Variants in CMSS1 observed in about 807,000 individuals in gnomAD.
The protein encoded by CMSS1 is protein CMSS1.
In CMSS1, 33 loss-of-function variants were observed where a neutral mutation model predicts 43.5. The observed-to-expected ratio is 0.76, with a 90% CI of 0.57 to 1.01. The LOEUF is 1.01. Among genes scored for constraint, CMSS1 ranks in the 50% least tolerant of loss-of-function variants. The pLI is 0.00. For synonymous variants in CMSS1, 115 were observed against 117.2 expected, an observed-to-expected ratio of 0.98 and a Z score of 0.12; for missense variants, 313 against 326.4, an observed-to-expected ratio of 0.96 and a Z score of 0.32.
intron 1 of CMSS1, among the ~76,000 whole-genome samples, chr3:100,021,915 T>TTGTG (rs61704772): frequency 0.012 from 1,267 of 105,884 alleles, 11 homozygotes; most frequent in African/African-American, 0.034. Context: ...CTAGATCCCA[T>TTGTG]TGTGTGTGTG....
At chr3:100,156,004 C>T (rs990861321) in intron 2 of CMSS1, among the ~76,000 whole-genome samples, 1 of 151,998 alleles carries the variant, frequency 6.6e-6, no homozygotes, top group Admixed American at 6.6e-5. Flanking sequence ...TTCATAGTAC[C>T]CTATACCTAA....
chr3:100,113,389 T>G (rs1278763219), intron 1 of CMSS1, among the ~76,000 whole-genome samples: 1 of 152,222 alleles, frequency 6.6e-6, no homozygotes, highest in Non-Finnish European at 1.5e-5. Flanking sequence ...CCAGTCATCT[T>G]CTGTGGGGTG....
intron 1 of CMSS1, among the ~76,000 whole-genome samples, chr3:99,825,816 C>G (rs1576490306): frequency 1.7e-5 from 2 of 114,352 alleles, no homozygotes. Context: ...TTGCTCTTGT[C>G]CCCCAGGCTG....
intron 2 of CMSS1, among the ~76,000 whole-genome samples, chr3:100,152,697 C>T (rs962985175): frequency 6.6e-6 from 1 of 152,178 alleles, no homozygotes; most frequent in Non-Finnish European, 1.5e-5. Context: ...AATCAGGTGT[C>T]ACCTTCAACA....
At chr3:99,950,496 A>G (rs1708143697) in intron 1 of CMSS1, among the ~76,000 whole-genome samples, 1 of 152,092 alleles carries the variant, frequency 6.6e-6, no homozygotes, top group Non-Finnish European at 1.5e-5. Flanking sequence ...TCTTTATATT[A>G]TCTTCCGTTT....
chr3:99,851,600 T>C (rs968499697), intron 1 of CMSS1, among the ~76,000 whole-genome samples: 2 of 152,246 alleles, frequency 1.3e-5, no homozygotes, highest in African/African-American at 4.8e-5. Flanking sequence ...TGGCACATGG[T>C]AAGCATTTGG....
chr3:100,145,240 A>G (rs1370225630), intron 1 of CMSS1, among the ~76,000 whole-genome samples: 1 of 152,130 alleles, frequency 6.6e-6, no homozygotes, highest in Non-Finnish European at 1.5e-5. Context: ...CAGGAGTTCA[A>G]AACCAGCCTG....
At chr3:100,101,434 C>T (rs1431352483) in intron 1 of CMSS1, among the ~76,000 whole-genome samples, 1 of 151,974 alleles carries the variant, frequency 6.6e-6, no homozygotes, top group Non-Finnish European at 1.5e-5. Context: ...TAAAGTAGAT[C>T]GGGTTAGAAG....
At chr3:99,961,830 T>G (rs1708501573) in intron 1 of CMSS1, among the ~76,000 whole-genome samples, 1 of 152,208 alleles carries the variant, frequency 6.6e-6, no homozygotes, top group African/African-American at 2.4e-5. Context: ...CCTATTTTCT[T>G]ATGTCATAGT....
intron 1 of CMSS1, among the ~76,000 whole-genome samples, chr3:100,037,467 C>T (rs913203319): frequency 6.6e-6 from 1 of 152,032 alleles, no homozygotes; most frequent in South Asian, 2.1e-4. Flanking sequence ...CACACACACA[C>T]GCACATTGTT....
intron 1 of CMSS1, among the ~76,000 whole-genome samples, chr3:99,985,027 G>A (rs1025802512): frequency 3.9e-5 from 6 of 152,206 alleles, no homozygotes; most frequent in African/African-American, 1.4e-4. Context: ...TTGCCGTGAG[G>A]AAGGTATAAG....
intron 1 of CMSS1, among the ~76,000 whole-genome samples, chr3:100,064,413 A>C (rs534008664): frequency 6.6e-6 from 1 of 151,110 alleles, no homozygotes; most frequent in African/African-American, 2.4e-5. Flanking sequence ...TTTTTTTTCA[A>C]CATTAAAGCC....
chr3:100,154,261 A>G (rs2066950301), intron 2 of CMSS1, among the ~76,000 whole-genome samples: 2 of 152,094 alleles, frequency 1.3e-5, no homozygotes, highest in Non-Finnish European at 2.9e-5. Flanking sequence ...TTTAATTGAC[A>G]CATAATAATT....
chr3:100,010,537 G>T (rs1710114601), intron 1 of CMSS1, among the ~76,000 whole-genome samples: 2 of 151,914 alleles, frequency 1.3e-5, no homozygotes, highest in Non-Finnish European at 2.9e-5. Flanking sequence ...TGTATTTGGT[G>T]ACAATCTGGC....
intron 1 of CMSS1, among the ~76,000 whole-genome samples, chr3:100,103,906 A>T (rs1475529662): frequency 6.6e-6 from 1 of 152,206 alleles, no homozygotes; most frequent in Non-Finnish European, 1.5e-5. Flanking sequence ...AACCTTATTA[A>T]TAAGAATCAT....
intron 1 of CMSS1, among the ~76,000 whole-genome samples, chr3:100,055,107 A>C (rs989120805): frequency 4.6e-5 from 7 of 152,012 alleles, no homozygotes; most frequent in African/African-American, 1.7e-4. Context: ...ACTCTTACCA[A>C]AGTCCTCGTG....
rs573363257 is a variant in CMSS1 at position 99,982,664 on chromosome 3, A to G, written c.65-164309A>G. Among the ~76,000 whole-genome samples the G allele has an allele frequency of 7.9e-5, 12 of 152,228 alleles. No individual in the cohort carries two copies. The East Asian group carries it at 1.9e-3, about 24-fold the overall frequency. On this transcript the variant is annotated intron_variant, in intron 1 of 9. Transcript: ENST00000421999. ...TGGCCCATTCAGCTAACTTTTTTAA[A>G]GTATTTTTGAATCACTGAAGTGCTT...
intron 1 of CMSS1, chr3:99,931,064 T>A: frequency 6.3e-7 from 1 of 1,588,406 alleles, no homozygotes; most frequent in Non-Finnish European, 8.6e-7. Context: ...TAAAGCTTAA[T>A]GGAAATGGAG....
intron 1 of CMSS1, among the ~76,000 whole-genome samples, chr3:100,050,075 T>G (rs1291664590): frequency 3.3e-5 from 5 of 152,210 alleles, no homozygotes; most frequent in Admixed American, 1.3e-4. Flanking sequence ...GAACATGCTT[T>G]TTTAATCACA....
Sources: gnomAD v4.1 joint callset for allele counts (sites outside exome capture counted in the v4.1 genomes callset) on GRCh38, gnomAD v4.1.1 for gene constraint, MANE v1.5 for transcripts, NCBI Gene and HGNC (gene_info 2026-07-23, HGNC 2026-07-21) for gene names.